Variants in TRRAP observed in about 807,000 individuals in gnomAD.
TRRAP encodes the protein transformation/transcription domain-associated protein.
In TRRAP, 41 loss-of-function variants were observed where a neutral mutation model predicts 438.8. That is an observed-to-expected ratio of 0.09 (90% CI 0.07 to 0.12). The LOEUF is 0.12. Among genes scored for constraint, TRRAP ranks in the 10% least tolerant of loss-of-function variants. The pLI is 1.00. For missense variants in TRRAP, 3,122 were observed against 5,055.1 expected, an observed-to-expected ratio of 0.62 and a Z score of 11.60; for synonymous variants, 1,994 against 1,962.9, an observed-to-expected ratio of 1.02 and a Z score of -0.42.
intron 67 of TRRAP, among the ~76,000 whole-genome samples, chr7:99,003,507 G>A (rs1030121926): frequency 3.0e-4 from 45 of 152,100 alleles, no homozygotes; most frequent in Admixed American, 5.9e-4. Flanking sequence ...CTGGTGACAC[G>A]GGCTCCTGGT....
intron 31 of TRRAP, 98 bp downstream of exon 31, chr7:98,943,115 C>T: frequency 7.7e-7 from 1 of 1,295,308 alleles, no homozygotes; most frequent in Non-Finnish European, 1.1e-6. Context: ...GGTCAGAAAC[C>T]TAGTTTGACG....
chr7:99,000,160 C>T (rs1161287034), intron 67 of TRRAP, among the ~76,000 whole-genome samples: 4 of 152,242 alleles, frequency 2.6e-5, no homozygotes, highest in East Asian at 1.9e-4. Context: ...GGTGCACGTG[C>T]CACCACACCT....
intron 20 of TRRAP, among the ~76,000 whole-genome samples, chr7:98,918,690 C>G (rs1273996756): frequency 1.3e-5 from 2 of 152,100 alleles, no homozygotes; most frequent in Admixed American, 1.3e-4. Context: ...TTTGCTCCAC[C>G]CTACCCAAAG....
chr7:98,881,447 CTGT>C (rs1193794112), intron 2 of TRRAP, among the ~76,000 whole-genome samples, 197 bp downstream of exon 2: 1 of 151,984 alleles, frequency 6.6e-6, no homozygotes, highest in Non-Finnish European at 1.5e-5. Context: ...TGGCTCACGC[CTGT>C]AGTCCCAGCT....
intron 6 of TRRAP, among the ~76,000 whole-genome samples, chr7:98,894,504 A>G (rs960606998): frequency 6.6e-5 from 10 of 152,216 alleles, no homozygotes; most frequent in Admixed American, 2.0e-4. Context: ...TATTTATTGA[A>G]TTAAATAACT....
Position 98,937,237 on chromosome 7 carries a change from A to T in TRRAP, c.4193A>T (p.Asn1398Ile). ...AALFKALNSTNSELQEAGEAC... is the reference protein window; with the variant it reads ...AALFKALNSTISELQEAGEAC... Reference sequence around the variant, plus strand: ...CTCTTCAAAGCCCTGAATTCCACCAATAGTGAGCTCCAAGAGGCCGGAGAA... The same window carrying T: ...CTCTTCAAAGCCCTGAATTCCACCATTAGTGAGCTCCAAGAGGCCGGAGAA... The change falls in exon 29 of 73, where the codon AAT becomes ATT. Residue 1398 changes from asparagine (N) to isoleucine (I), a missense_variant. This residue lies in a region of TRRAP where 84 missense variants were observed against 119.8 expected (regional missense o/e 0.70). Coordinates refer to ENST00000456197, the MANE Select transcript of TRRAP (RefSeq NM_001375524.1). 1 of 1,613,310 alleles carries T rather than the reference A, an allele frequency of 6.2e-7. No individual in the cohort carries two copies. Among genetic ancestry groups the T allele is most frequent in the African/African-American group, 1.3e-5 (1 of 75,030 alleles).
At chr7:98,894,848 C>G (rs1439770849) in intron 6 of TRRAP, among the ~76,000 whole-genome samples, 1 of 134,098 alleles carries the variant, frequency 7.5e-6, no homozygotes, top group Admixed American at 8.9e-5. Flanking sequence ...TGTTGCCAAG[C>G]TGGTCTGTAA....
chr7:98,922,427 CAG>C (rs1409140310), intron 21 of TRRAP, among the ~76,000 whole-genome samples: 1 of 152,206 alleles, frequency 6.6e-6, no homozygotes, highest in Non-Finnish European at 1.5e-5. Flanking sequence ...AAAAAGCAGA[CAG>C]TGCCCCCGCA....
intron 67 of TRRAP, among the ~76,000 whole-genome samples, chr7:99,000,760 C>A (rs1793885628): frequency 6.6e-6 from 1 of 152,200 alleles, no homozygotes; most frequent in Non-Finnish European, 1.5e-5. Flanking sequence ...CCACACCTTT[C>A]CCTTCCTCAT....
In TRRAP at chr7:99,013,176, G is replaced by A. The variant is rs986160147; in HGVS notation, c.*821G>A. 1 of 151,916 alleles carries A rather than the reference G, an allele frequency of 6.6e-6. No individual in the cohort carries two copies. The highest frequency in any genetic ancestry group is 1.9e-4 in the East Asian group (1 of 5,194). The allele number at this position is 151,916 out of a possible 1,614,324, so 9.4% of individuals were successfully genotyped here. Reference sequence around the variant, plus strand: ...TCCCATTTTTATAAATCTGAGCATTGATAATGTTCTATCTAAATTTGTACA... The same window carrying A: ...TCCCATTTTTATAAATCTGAGCATTAATAATGTTCTATCTAAATTTGTACA... On this transcript the variant is annotated 3_prime_UTR_variant, in exon 73 of 73. Transcript: ENST00000456197.
intron 51 of TRRAP, 80 bp downstream of exon 51, chr7:98,967,778 C>T: frequency 8.0e-7 from 1 of 1,252,962 alleles, no homozygotes; most frequent in Non-Finnish European, 1.1e-6. Context: ...AGGAGGTGTT[C>T]ACACACACTG....
chr7:98,997,483 C>CAA (rs61132070), intron 67 of TRRAP, among the ~76,000 whole-genome samples: 537 of 42,606 alleles, frequency 0.013, 74 homozygotes, highest in Admixed American at 0.055. Flanking sequence ...ACTGCTGTTG[C>CAA]AAAAAAAAAA....
intron 3 of TRRAP, among the ~76,000 whole-genome samples, chr7:98,882,270 T>C (rs193256682): frequency 7.3e-4 from 111 of 152,346 alleles, no homozygotes; most frequent in Admixed American, 7.3e-3. Context: ...AAAAACATTT[T>C]TTCATTTTAA....
chr7:98,969,806 G>T (rs1792328689), intron 51 of TRRAP, among the ~76,000 whole-genome samples: 1 of 152,206 alleles, frequency 6.6e-6, no homozygotes, highest in South Asian at 2.1e-4. Context: ...GGACGAGTCT[G>T]GGGGTGAGGT....
At chr7:98,934,289 C>G (rs979414307) in intron 27 of TRRAP, among the ~76,000 whole-genome samples, 19 of 152,214 alleles carry the variant, frequency 1.2e-4, no homozygotes, top group Non-Finnish European at 2.4e-4. Context: ...GCAAATTCTT[C>G]CAGGTCCATA....
intron 11 of TRRAP, among the ~76,000 whole-genome samples, chr7:98,901,258 A>C (rs1260389583): frequency 2.6e-5 from 4 of 152,212 alleles, no homozygotes; most frequent in Non-Finnish European, 5.9e-5. Context: ...CTGTGTCCTC[A>C]CAATGGCGAA....
chr7:98,922,363 C>T (rs781787134), intron 21 of TRRAP, among the ~76,000 whole-genome samples: 5 of 152,176 alleles, frequency 3.3e-5, no homozygotes, highest in Non-Finnish European at 5.9e-5. Context: ...ATCCCACTGC[C>T]AACAGCTCCT....
rs961726845 is a variant in TRRAP, at chr7:99,011,628, C to T, written c.11337+93C>T. On this transcript the variant is annotated intron_variant, in intron 72 of 72. Transcript: ENST00000456197. This position sits in a 1 kb window ranked among gnomAD's most constrained non-coding sequence, Gnocchi z 7.1. ...TTGCAGGAGCTGCTGATGTGCCTCA[C>T]GGGCTCTGCGCTCTCCACAGTGGCC... 4 of 1,421,804 alleles carry T rather than the reference C, an allele frequency of 2.8e-6. No homozygotes were observed. The highest frequency in any genetic ancestry group is 2.9e-6 in the Non-Finnish European group (3 of 1,050,910). The allele number at this position is 1,421,804 out of a possible 1,614,324, so 88.1% of individuals were successfully genotyped here.
intron 3 of TRRAP, among the ~76,000 whole-genome samples, chr7:98,884,669 G>T (rs1795611852): frequency 6.6e-6 from 1 of 152,144 alleles, no homozygotes; most frequent in South Asian, 2.1e-4. Context: ...GCTTTTCTCT[G>T]GTGCTGTGCC....
Sources: allele counts gnomAD v4.1 joint callset (sites outside exome capture counted in the v4.1 genomes callset), GRCh38; gene constraint gnomAD v4.1.1; regional missense constraint gnomAD v4.1.1; non-coding constraint Gnocchi (gnomAD v3.1); transcripts MANE v1.5; gene names NCBI Gene and HGNC (gene_info 2026-07-23, HGNC 2026-07-21).